The following ROBO1 variants were observed in gnomAD, a reference collection of about 807,000 sequenced individuals.
ROBO1 encodes roundabout guidance receptor 1.
ROBO1 carries 149 observed loss-of-function variants against 195.9 expected under a neutral mutation model. The ratio of observed to expected loss-of-function variants is 0.76; its 90% CI spans 0.67 to 0.87. The LOEUF (loss-of-function observed/expected upper bound fraction) is 0.87, where lower values mean the gene tolerates loss of function less well. Among genes scored for constraint, ROBO1 ranks in the 40% least tolerant of loss-of-function variants. ROBO1 has a pLI of 0.00. For missense variants in ROBO1, 1,933 were observed against 2,068.3 expected (o/e 0.93, Z 1.27); for synonymous variants, 816 against 733.2 (o/e 1.11, Z -1.82).
intron 2 of ROBO1, among the ~76,000 whole-genome samples, chr3:79,521,267 G>T (rs1941198580): frequency 6.6e-6 from 1 of 152,126 alleles, no homozygotes; most frequent in East Asian, 1.9e-4. Flanking sequence ...GCATCATCTT[G>T]CCTTAAATGT....
Position 78,697,045 on chromosome 3 carries a change from G to GACAC in ROBO1, c.1046-8277_1046-8274dup, listed in dbSNP as rs10663468. 9.9e-3 allele frequency among the ~76,000 whole-genome samples: 1,451 copies of GACAC among 146,494 alleles called. 8 individuals carry two copies. Among genetic ancestry groups the GACAC allele is most frequent in the African/African-American group, 0.018 (733 of 40,002 alleles). ...CCCCTGTCTCTCTCTGTCACACACAGACACACACACACACACACACACACA... is the reference window on the plus strand; with the variant it reads ...CCCCTGTCTCTCTCTGTCACACACAGACACACACACACACACACACACACACACA... On this transcript the variant is annotated intron_variant, in intron 8 of 30. Transcript: ENST00000464233.
At chr3:79,237,278 C>T (rs1052886446) in intron 2 of ROBO1, among the ~76,000 whole-genome samples, 2 of 151,948 alleles carry the variant, frequency 1.3e-5, no homozygotes, top group African/African-American at 2.4e-5. Context: ...GTCAGGAGAT[C>T]GAGACCATCC....
chr3:79,427,473 C>T (rs1286299917), intron 2 of ROBO1, among the ~76,000 whole-genome samples: 1 of 152,140 alleles, frequency 6.6e-6, no homozygotes, highest in Non-Finnish European at 1.5e-5. Flanking sequence ...CTTATCTGGG[C>T]TTGAATATCA....
chr3:78,917,369 T>C (rs2038673678), intron 4 of ROBO1, among the ~76,000 whole-genome samples: 1 of 152,124 alleles, frequency 6.6e-6, no homozygotes, highest in Admixed American at 6.5e-5. Flanking sequence ...AATGACTATT[T>C]ACTTATTTTA....
intron 2 of ROBO1, among the ~76,000 whole-genome samples, chr3:79,323,201 C>T (rs1244475675): frequency 1.3e-5 from 2 of 151,932 alleles, no homozygotes; most frequent in African/African-American, 2.4e-5. Flanking sequence ...TCTGCCTTAG[C>T]CCCCCAAGTA....
chr3:79,218,100 T>C (rs1576829840), intron 2 of ROBO1, among the ~76,000 whole-genome samples: 1 of 151,958 alleles, frequency 6.6e-6, no homozygotes, highest in East Asian at 1.9e-4. Context: ...TAAAATCTTA[T>C]ATAGACAATT....
At chr3:79,273,556 A>G (rs2030762530) in intron 2 of ROBO1, among the ~76,000 whole-genome samples, 1 of 152,086 alleles carries the variant, frequency 6.6e-6, no homozygotes, top group African/African-American at 2.4e-5. Context: ...ACCTATCACA[A>G]GATAAAATCA....
chr3:79,126,340 C>G (rs563777434), intron 2 of ROBO1, among the ~76,000 whole-genome samples: 1 of 152,082 alleles, frequency 6.6e-6, no homozygotes, highest in East Asian at 1.9e-4. Context: ...TCTTAAATTG[C>G]ACATTAATTT....
chr3:79,680,608 G>A (rs1946915976), intron 1 of ROBO1, among the ~76,000 whole-genome samples: 1 of 151,968 alleles, frequency 6.6e-6, no homozygotes, highest in African/African-American at 2.4e-5. Context: ...CAATTAGCTG[G>A]ACTGGGTGTT....
intron 2 of ROBO1, among the ~76,000 whole-genome samples, chr3:79,565,448 T>A (rs1164836286): frequency 6.6e-6 from 1 of 152,056 alleles, no homozygotes; most frequent in Non-Finnish European, 1.5e-5. Flanking sequence ...GTAACAGCTA[T>A]ACTATTATTA....
rs1176967279 is a variant in ROBO1 at position 78,598,714 on chromosome 3, C to A, written c.*199G>T. 2 of 399,806 alleles carry A rather than the reference C, an allele frequency of 5.0e-6. No homozygotes were observed. The highest frequency in any genetic ancestry group is 8.9e-6 in the Non-Finnish European group (2 of 224,076). 24.8% of individuals were successfully genotyped at this position (399,806 alleles called of 1,614,324 possible). On this transcript the variant is annotated 3_prime_UTR_variant, in exon 31 of 31. Transcript: ENST00000464233. ...CAACAGCGAGGGGAATAGGAAGGCT[C>A]TTTGTAGGGTTAGGGATCAAACAAC...
intron 10 of ROBO1, among the ~76,000 whole-genome samples, chr3:78,681,138 A>C (rs918470824): frequency 6.0e-5 from 9 of 151,250 alleles, no homozygotes; most frequent in African/African-American, 1.5e-4. Flanking sequence ...AACAATGAGA[A>C]CACATGGACA....
At chr3:79,124,813 C>A (rs2080184491) in intron 3 of ROBO1, among the ~76,000 whole-genome samples, 1 of 152,042 alleles carries the variant, frequency 6.6e-6, no homozygotes, top group Admixed American at 6.6e-5. Context: ...ATATTTAGAA[C>A]AAAAAATTCC....
At chr3:79,284,022 T>A (rs931731879) in intron 2 of ROBO1, among the ~76,000 whole-genome samples, 1 of 152,046 alleles carries the variant, frequency 6.6e-6, no homozygotes, top group Non-Finnish European at 1.5e-5. Flanking sequence ...AAAAATGTTT[T>A]CTGTTTTGTA....
chr3:78,996,352 A>AC (rs397935309), intron 3 of ROBO1, among the ~76,000 whole-genome samples: 5 of 146,082 alleles, frequency 3.4e-5, no homozygotes, highest in Admixed American at 6.9e-5. Flanking sequence ...AAAAAAAAAA[A>AC]CTCCCACTTT....
intron 4 of ROBO1, among the ~76,000 whole-genome samples, chr3:78,908,237 C>T (rs1265594428): frequency 1.3e-5 from 2 of 151,920 alleles, no homozygotes; most frequent in Non-Finnish European, 2.9e-5. Flanking sequence ...ACTCACAACA[C>T]TCCCTTATTC....
chr3:79,291,880 A>C (rs2032273640), intron 2 of ROBO1, among the ~76,000 whole-genome samples: 1 of 152,212 alleles, frequency 6.6e-6, no homozygotes, highest in Non-Finnish European at 1.5e-5. Flanking sequence ...CCAAATATTT[A>C]AGAGGAGGAG....
At chr3:79,330,812 G>A (rs1200063745) in intron 2 of ROBO1, among the ~76,000 whole-genome samples, 1 of 152,032 alleles carries the variant, frequency 6.6e-6, no homozygotes, top group Non-Finnish European at 1.5e-5. Flanking sequence ...TGAAACTCAG[G>A]CTTCTATTTC....
chr3:79,644,406 A>C (rs1945756228), intron 1 of ROBO1, among the ~76,000 whole-genome samples: 1 of 152,192 alleles, frequency 6.6e-6, no homozygotes, highest in Non-Finnish European at 1.5e-5. Flanking sequence ...GTTAAAAAAG[A>C]AAGAGGTTTA....
Sources: gnomAD v4.1 joint callset for allele counts (sites outside exome capture counted in the v4.1 genomes callset) on GRCh38, gnomAD v4.1.1 for gene constraint, MANE v1.5 for transcripts, NCBI Gene and HGNC (gene_info 2026-07-23, HGNC 2026-07-21) for gene names.